The following GTF2IRD1 variants were observed in gnomAD, a reference collection of about 807,000 sequenced individuals.
GTF2IRD1 encodes GTF2I repeat domain containing 1.
Under a neutral mutation model 113.2 loss-of-function variants are expected in GTF2IRD1, and 26 were observed. The ratio of observed to expected loss-of-function variants is 0.23; its 90% CI spans 0.17 to 0.32. The LOEUF (loss-of-function observed/expected upper bound fraction) is 0.32, where lower values mean the gene tolerates loss of function less well. GTF2IRD1 is among the 10% of genes least tolerant of loss of function. The pLI is 1.00. For synonymous variants in GTF2IRD1, 484 were observed against 529.1 expected, an observed-to-expected ratio of 0.91 and a Z score of 1.17; for missense variants, 864 against 1,280.8, an observed-to-expected ratio of 0.67 and a Z score of 4.97.
In GTF2IRD1 at chr7:74,590,910, G is replaced by C. The variant is rs1554369344; in HGVS notation, c.2484G>C (p.Leu828=). The part of the protein sequence containing the change: ...DSPDAVEVTG[L]PDDIPFRNPN... ...CAGACGCCGTGGAGGTCACGGGTCT[G>C]CCTGATGACATCCCCTTCCGGAACC... is the stretch of plus-strand genomic sequence containing the variant. Residue 828 remains leucine (L), a synonymous_variant, in exon 24 of 27, where the codon CTG becomes CTC. Transcript: ENST00000424337. 6.2e-7 allele frequency: 1 copy of C among 1,613,638 alleles called. No homozygotes were observed. Among genetic ancestry groups the C allele is most frequent in the Non-Finnish European group, 8.5e-7 (1 of 1,179,756 alleles).
chr7:74,485,725 C>T (rs1331060764), intron 1 of GTF2IRD1, among the ~76,000 whole-genome samples: 1 of 151,958 alleles, frequency 6.6e-6, no homozygotes, highest in Non-Finnish European at 1.5e-5. Context: ...AGTTTGAGAC[C>T]AGCCTGGGCA....
At chr7:74,536,332 C>A in intron 11 of GTF2IRD1, 57 bp downstream of exon 11, 1 of 1,070,926 alleles carries the variant, frequency 9.3e-7, no homozygotes, top group Non-Finnish European at 1.4e-6. Context: ...TGGGCTGAGG[C>A]AGTGTTACCT....
intron 1 of GTF2IRD1, among the ~76,000 whole-genome samples, chr7:74,477,284 A>C (rs940226014): frequency 1.3e-5 from 2 of 152,040 alleles, no homozygotes; most frequent in East Asian, 3.9e-4. Context: ...GAATCACTTG[A>C]ACCTGAGAGA....
intron 23 of GTF2IRD1, 51 bp downstream of exon 23, chr7:74,589,979 G>A (rs775757850): frequency 8.1e-7 from 1 of 1,228,114 alleles, no homozygotes; most frequent in Non-Finnish European, 1.2e-6. Context: ...CCCGGGGGTG[G>A]TGGGGGGCCT....
chr7:74,532,228 G>C (rs1348198781), intron 9 of GTF2IRD1, among the ~76,000 whole-genome samples: 1 of 152,022 alleles, frequency 6.6e-6, no homozygotes, highest in Non-Finnish European at 1.5e-5. Flanking sequence ...CCCCGACCCT[G>C]TTCTCCCTGA....
intron 1 of GTF2IRD1, among the ~76,000 whole-genome samples, chr7:74,465,748 G>GGTGTGGGGTGTGGC (rs1793668892): frequency 1.3e-5 from 2 of 151,990 alleles, no homozygotes; most frequent in African/African-American, 4.8e-5. Context: ...TGGGGTGTGG[G>GGTGTGGGGTGTGGC]GTGTGGGGTG....
chr7:74,515,026 C>T (rs1554344194), intron 3 of GTF2IRD1, among the ~76,000 whole-genome samples: 1 of 138,038 alleles, frequency 7.2e-6, no homozygotes, highest in Non-Finnish European at 1.5e-5. Context: ...CACTGCACTC[C>T]AGCCTGGGCA....
At chr7:74,483,671 C>G (rs1421256813) in intron 1 of GTF2IRD1, among the ~76,000 whole-genome samples, 1 of 151,972 alleles carries the variant, frequency 6.6e-6, no homozygotes, top group Non-Finnish European at 1.5e-5. Context: ...GATCGTGCCA[C>G]TGCATTCCAG....
intron 22 of GTF2IRD1, among the ~76,000 whole-genome samples, chr7:74,574,745 G>A (rs1726885308): frequency 1.3e-5 from 2 of 150,864 alleles, no homozygotes; most frequent in South Asian, 2.1e-4. Flanking sequence ...ACAGATGTGA[G>A]CCACCGTGCC....
At chr7:74,492,527 T>C (rs1444491343) in intron 1 of GTF2IRD1, among the ~76,000 whole-genome samples, 2 of 152,170 alleles carry the variant, frequency 1.3e-5, no homozygotes, top group Non-Finnish European at 2.9e-5. Context: ...TGAGATGATA[T>C]CTCATTGTGG....
chr7:74,553,010 G>T (rs1285616754), intron 17 of GTF2IRD1, among the ~76,000 whole-genome samples: 2 of 151,914 alleles, frequency 1.3e-5, no homozygotes, highest in African/African-American at 2.4e-5. Context: ...GCTAAATTTT[G>T]TATTTTTAGT....
At chr7:74,583,914 CT>C (rs1478804996) in intron 22 of GTF2IRD1, among the ~76,000 whole-genome samples, 1 of 152,132 alleles carries the variant, frequency 6.6e-6, no homozygotes, top group African/African-American at 2.4e-5. Context: ...AGCCCACATC[CT>C]TGGAGCTTTG....
At chr7:74,489,268 G>C (rs1197995260) in intron 1 of GTF2IRD1, among the ~76,000 whole-genome samples, 1 of 152,194 alleles carries the variant, frequency 6.6e-6, no homozygotes, top group Non-Finnish European at 1.5e-5. Flanking sequence ...CTCCCGGGCT[G>C]ATTCTTTTCA....
intron 1 of GTF2IRD1, among the ~76,000 whole-genome samples, chr7:74,493,990 G>A (rs1302919641): frequency 1.3e-5 from 2 of 152,132 alleles, no homozygotes; most frequent in African/African-American, 4.8e-5. Flanking sequence ...GCCCCCTCTT[G>A]GGGGGTACAG....
At chr7:74,472,942 G>A (rs1794193691) in intron 1 of GTF2IRD1, among the ~76,000 whole-genome samples, 1 of 152,324 alleles carries the variant, frequency 6.6e-6, no homozygotes, top group Non-Finnish European at 1.5e-5. Flanking sequence ...GGACAGGGCA[G>A]AGTTGGGTAG....
chr7:74,466,332 G>A (rs782217874), intron 1 of GTF2IRD1, among the ~76,000 whole-genome samples: 8 of 152,272 alleles, frequency 5.3e-5, no homozygotes, highest in African/African-American at 1.2e-4. Context: ...GGACAGAAGC[G>A]TAGGGCCAGA....
chr7:74,470,757 G>C, intron 1 of GTF2IRD1, among the ~76,000 whole-genome samples: 1 of 152,094 alleles, frequency 6.6e-6, no homozygotes, highest in Non-Finnish European at 1.5e-5. Context: ...TGTGCTAAGG[G>C]AAGGAAGCAG....
chr7:74,504,779 C>T (rs1323048318), intron 1 of GTF2IRD1, among the ~76,000 whole-genome samples: 1 of 148,944 alleles, frequency 6.7e-6, no homozygotes, highest in African/African-American at 2.5e-5. Flanking sequence ...GCCATCTCGG[C>T]TCACTGCAAC....
At chr7:74,569,977 G>A (rs782032479) in intron 22 of GTF2IRD1, among the ~76,000 whole-genome samples, 1 of 152,160 alleles carries the variant, frequency 6.6e-6, no homozygotes, top group Non-Finnish European at 1.5e-5. Flanking sequence ...AGGAAAGGGC[G>A]ACTGTGCAGG....
Sources: gnomAD v4.1 joint callset for allele counts (sites outside exome capture counted in the v4.1 genomes callset) on GRCh38, gnomAD v4.1.1 for gene constraint, MANE v1.5 for transcripts, NCBI Gene and HGNC (gene_info 2026-07-23, HGNC 2026-07-21) for gene names.